The following RASSF2 variants were observed in gnomAD, a reference collection of about 807,000 sequenced individuals.
RASSF2 encodes the protein Ras association domain family member 2, also known as ras association domain-containing protein 2.
In RASSF2, 34 loss-of-function variants were observed where a neutral mutation model predicts 46.3. The observed-to-expected ratio is 0.73, with a 90% confidence interval of 0.56 to 0.98. The LOEUF (loss-of-function observed/expected upper bound fraction) is 0.98, where lower values mean the gene tolerates loss of function less well. Ranked by LOEUF, RASSF2 falls within the 50% of genes least tolerant of loss-of-function variation. The probability of loss-of-function intolerance (pLI) is 0.00; values close to 1 mark genes in which losing one functional copy is unlikely to be tolerated. For synonymous variants in RASSF2, 158 were observed against 162.5 expected, an observed-to-expected ratio of 0.97 and a Z score of 0.21; for missense variants, 364 against 431.2, an observed-to-expected ratio of 0.84 and a Z score of 1.38.
intron 10 of RASSF2, among the ~76,000 whole-genome samples, 195 bp from the exon 11 acceptor site, chr20:4,786,523 C>T (rs1003550008): frequency 2.0e-5 from 3 of 152,202 alleles, no homozygotes; most frequent in Admixed American, 6.5e-5. Context: ...GCTTCGCTTA[C>T]GTGACACCAT....
intron 2 of RASSF2, among the ~76,000 whole-genome samples, chr20:4,804,952 T>G (rs1170488892): frequency 3.3e-5 from 5 of 151,866 alleles, no homozygotes; most frequent in African/African-American, 9.7e-5. Flanking sequence ...ACCTCTAAAC[T>G]GAGACCTCAG....
chr20:4,810,332 C>G (rs1927680286), intron 2 of RASSF2, among the ~76,000 whole-genome samples: 1 of 152,206 alleles, frequency 6.6e-6, no homozygotes, highest in Non-Finnish European at 1.5e-5. Flanking sequence ...CTGGCCAAGC[C>G]CAAAAATCAC....
intron 2 of RASSF2, among the ~76,000 whole-genome samples, chr20:4,813,877 G>A (rs918176895): frequency 6.6e-6 from 1 of 152,050 alleles, no homozygotes; most frequent in Non-Finnish European, 1.5e-5. Context: ...TGCTTGGTAT[G>A]TGTAGAATTA....
At chr20:4,801,483 C>T (rs1258751668) in intron 2 of RASSF2, among the ~76,000 whole-genome samples, 1 of 152,098 alleles carries the variant, frequency 6.6e-6, no homozygotes, top group East Asian at 1.9e-4. Flanking sequence ...CCAAATACAG[C>T]CGAGTGCGAG....
In RASSF2 at chr20:4,782,166, T is replaced by G; in HGVS notation, c.*2107A>C. 6.6e-6 allele frequency: 1 copy of G among 152,386 alleles called. No individual in the cohort carries two copies. 9.4% of individuals were successfully genotyped at this position (152,386 alleles called of 1,614,324 possible). A position where few individuals can be genotyped will look rare whatever the true frequency, so the allele number is the denominator to read the frequency against. On this transcript the variant is annotated 3_prime_UTR_variant, in exon 12 of 12. Transcript: ENST00000379400. ...GTTGCAGTATTTCCCCATCTAACAC[T>G]ATCGTAGTGCTAGTGCAAATCAAAG...
chr20:4,805,024 C>T (rs940941699), intron 2 of RASSF2, among the ~76,000 whole-genome samples: 5 of 151,940 alleles, frequency 3.3e-5, no homozygotes, highest in Middle Eastern at 3.2e-3. Flanking sequence ...CGGAGCTGTG[C>T]GAGATGGGGT....
rs11483578 is a variant in RASSF2 at position 4,807,330 on chromosome 20, G to GAA, written c.-32-6270_-32-6269dup. Among the ~76,000 whole-genome samples the GAA allele has an allele frequency of 5.6e-3, 618 of 109,828 alleles. 5 individuals carry two copies. Among genetic ancestry groups the GAA allele is most frequent in the African/African-American group, 0.017 (543 of 32,546 alleles). 72.1% of individuals were successfully genotyped at this position (109,828 alleles called of 152,430 possible). A position where few individuals can be genotyped will look rare whatever the true frequency, so the allele number is the denominator to read the frequency against. ...TGTGAAAATTTTAAACTTCTGTTCAGAAAAAAAAAAAAAAGGAAACTATAC... is the reference window on the plus strand; with the variant it reads ...TGTGAAAATTTTAAACTTCTGTTCAGAAAAAAAAAAAAAAAAGGAAACTATAC... On this transcript the variant is annotated intron_variant, in intron 2 of 11. Transcript: ENST00000379400.
chr20:4,799,091 G>A (rs1230679086), intron 3 of RASSF2, among the ~76,000 whole-genome samples: 2 of 152,098 alleles, frequency 1.3e-5, no homozygotes, highest in Admixed American at 6.5e-5. Flanking sequence ...CAGGATAGTG[G>A]TTCACCTTGG....
At chr20:4,787,402 T>C (rs996731480) in intron 10 of RASSF2, among the ~76,000 whole-genome samples, 1 of 152,210 alleles carries the variant, frequency 6.6e-6, no homozygotes, top group Non-Finnish European at 1.5e-5. Context: ...GAGCCATTGC[T>C]ACTAGACCAC....
chr20:4,786,996 T>C (rs1455918903), intron 10 of RASSF2, among the ~76,000 whole-genome samples: 1 of 150,280 alleles, frequency 6.7e-6, no homozygotes, highest in Non-Finnish European at 1.5e-5. Flanking sequence ...GGCAGGAAAA[T>C]AGCTTGAACC....
intron 4 of RASSF2, among the ~76,000 whole-genome samples, 172 bp downstream of exon 4, chr20:4,797,838 C>T (rs1463355124): frequency 6.6e-6 from 1 of 152,172 alleles, no homozygotes; most frequent in Non-Finnish European, 1.5e-5. Context: ...CTTTTTGGAA[C>T]AAAACTGGGC....
chr20:4,819,469 G>C (rs1175632594), intron 2 of RASSF2, among the ~76,000 whole-genome samples: 2 of 152,150 alleles, frequency 1.3e-5, no homozygotes, highest in African/African-American at 4.8e-5. Flanking sequence ...ATTCGGTCCT[G>C]CAAGGGAATT....
intron 11 of RASSF2, among the ~76,000 whole-genome samples, 185 bp from the exon 12 acceptor site, chr20:4,784,527 C>T (rs144303482): frequency 1.0e-4 from 14 of 134,392 alleles, no homozygotes; most frequent in Admixed American, 5.4e-4. Flanking sequence ...TCCTACAACA[C>T]GATGAGAGGA....
chr20:4,814,873 C>T (rs1031986865), intron 2 of RASSF2, among the ~76,000 whole-genome samples: 3 of 152,212 alleles, frequency 2.0e-5, no homozygotes, highest in Non-Finnish European at 2.9e-5. Flanking sequence ...CTGCCCTGGG[C>T]ACAGCTGACC....
intron 8 of RASSF2, among the ~76,000 whole-genome samples, chr20:4,788,938 AGGGGCAGGTTAAG>A (rs965779336): frequency 6.6e-6 from 1 of 152,202 alleles, no homozygotes; most frequent in East Asian, 1.9e-4. Flanking sequence ...AAGCAGAGGC[AGGGGCAGGTTAAG>A]TAACCTGCCC....
chr20:4,809,836 G>A (rs938149407), intron 2 of RASSF2, among the ~76,000 whole-genome samples: 15 of 152,172 alleles, frequency 9.9e-5, no homozygotes, highest in African/African-American at 3.4e-4. Flanking sequence ...CCCCTGGGGA[G>A]CTCTGTGGTG....
intron 11 of RASSF2, among the ~76,000 whole-genome samples, chr20:4,785,404 A>G (rs904546651): frequency 1.3e-5 from 2 of 152,234 alleles, no homozygotes; most frequent in African/African-American, 2.4e-5. Context: ...TCAGTGTGTT[A>G]TCAGACTAGT....
intron 2 of RASSF2, among the ~76,000 whole-genome samples, chr20:4,820,836 C>A (rs780543494): frequency 2.0e-5 from 3 of 152,202 alleles, no homozygotes; most frequent in Non-Finnish European, 2.9e-5. Context: ...ATCTCCCAGC[C>A]TCTCCGTGAG....
chr20:4,814,448 G>A (rs1157279510), intron 2 of RASSF2, among the ~76,000 whole-genome samples: 1 of 152,036 alleles, frequency 6.6e-6, no homozygotes, highest in African/African-American at 2.4e-5. Flanking sequence ...TCCTTTTTTG[G>A]TGCTATAGGC....
Sources: allele counts gnomAD v4.1 joint callset (sites outside exome capture counted in the v4.1 genomes callset), GRCh38; gene constraint gnomAD v4.1.1; transcripts MANE v1.5; gene names NCBI Gene and HGNC (gene_info 2026-07-23, HGNC 2026-07-21).